The following KDM2B variants were observed in gnomAD, a reference collection of about 807,000 sequenced individuals.
The protein encoded by KDM2B is lysine-specific demethylase 2B.
In KDM2B, 26 loss-of-function variants were observed where a neutral mutation model predicts 150.0. The observed-to-expected ratio is 0.17, with a 90% CI of 0.13 to 0.24. The LOEUF is 0.24. KDM2B is among the 10% of genes least tolerant of loss of function. The pLI is 1.00. For missense variants in KDM2B, 1,265 were observed against 1,816.9 expected (o/e 0.70, Z 5.52); for synonymous variants, 734 against 729.5 (o/e 1.01, Z -0.10).
chr12:121,549,550 C>T lies in KDM2B; in HGVS notation c.486G>A (p.Thr162=), dbSNP rs782609076. 6 of 1,613,534 alleles carry T rather than the reference C, an allele frequency of 3.7e-6. No individual in the cohort carries two copies. The highest frequency in any genetic ancestry group is 2.2e-5 in the East Asian group (1 of 44,864). Residue 162 remains threonine (T), a synonymous_variant, in exon 5 of 23, where the codon ACG becomes ACA. Coordinates refer to ENST00000377071, the MANE Select transcript of KDM2B (RefSeq NM_032590.5). The surrounding 1 kb of genome is among the most constrained non-coding windows in gnomAD (Gnocchi z 4.4). ...SMSQFVRYYE[T]PEAQRDKLYN... ...ACAGCTTGTCCCGCTGGGCCTCGGGCGTCTCGTAGTAACGCACAAACTGGG... is the reference window on the plus strand; with the variant it reads ...ACAGCTTGTCCCGCTGGGCCTCGGGTGTCTCGTAGTAACGCACAAACTGGG...
Position 121,440,824 on chromosome 12 carries a change from T to C in KDM2B, c.3602A>G (p.Asn1201Ser). 1 of 1,610,662 alleles carries C rather than the reference T, an allele frequency of 6.2e-7. No individual in the cohort carries two copies. The highest frequency in any genetic ancestry group is 8.5e-7 in the Non-Finnish European group (1 of 1,178,134). The change falls in exon 21 of 23, where the codon AAC becomes AGC. Residue 1201 changes from asparagine to serine, a missense_variant. By Grantham distance (46) the Asn-to-Ser change is conservative. Around this residue, in one of 11 missense-constraint regions of KDM2B, gnomAD observed 251 missense variants for 397.8 expected, o/e 0.63. Coordinates refer to ENST00000377071, the MANE Select transcript of KDM2B (RefSeq NM_032590.5). ...CCAGCCTGGCAACTCACCTGGCCTG[T>C]TGTCTGTGGGCGGGGACAGGAGATC... is the stretch of plus-strand genomic sequence containing the variant. ...MRDLLSPPTD[N>S]RPGQMDNRSK...
intron 11 of KDM2B, among the ~76,000 whole-genome samples, chr12:121,508,594 TC>T (rs1885300728): frequency 6.6e-6 from 1 of 152,100 alleles, no homozygotes; most frequent in South Asian, 2.1e-4. Flanking sequence ...CTCGGAGGCC[TC>T]AACCAAAAAG....
At position 121,518,609 on chromosome 12, in the gene KDM2B, C is replaced by T. The variant is rs1470220573; in HGVS notation, c.1047+2376G>A. Among the ~76,000 whole-genome samples the T allele has an allele frequency of 6.6e-6, 1 of 152,118 alleles. No homozygotes were observed. The highest frequency in any genetic ancestry group is 2.4e-5 in the African/African-American group (1 of 41,414). ...GGGGTCCGGCCAGCACCCTGCCAGTCGTCATGGGTGGGGGAAGGGACCTGG... is the reference window on the plus strand; with the variant it reads ...GGGGTCCGGCCAGCACCCTGCCAGTTGTCATGGGTGGGGGAAGGGACCTGG... On this transcript the variant is annotated intron_variant, in intron 9 of 22. Coordinates refer to ENST00000377071, the MANE Select transcript of KDM2B (RefSeq NM_032590.5). This position sits in a 1 kb window ranked among gnomAD's most constrained non-coding sequence, Gnocchi z 4.4.
At chr12:121,512,898 T>C (rs1052082301) in intron 10 of KDM2B, among the ~76,000 whole-genome samples, 9 of 152,150 alleles carry the variant, frequency 5.9e-5, no homozygotes, top group Non-Finnish European at 7.4e-5. Context: ...CTTACATAGA[T>C]AAAAACCCAA....
chr12:121,445,187 G>C (rs1265489119), intron 14 of KDM2B, 88 bp downstream of exon 14: 38 of 1,481,980 alleles, frequency 2.6e-5, no homozygotes, highest in Non-Finnish European at 3.0e-5. Context: ...TTCACTGCAC[G>C]ACCTGCATCC....
the KDM2B span, among the ~76,000 whole-genome samples, chr12:121,420,956 T>C: frequency 6.6e-6 from 1 of 152,164 alleles, no homozygotes; most frequent in Non-Finnish European, 1.5e-5. Flanking sequence ...CTTCATTATG[T>C]GATGTTCATT....
intron 1 of KDM2B, chr12:121,580,532 C>T: frequency 7.9e-7 from 1 of 1,263,728 alleles, no homozygotes; most frequent in Non-Finnish European, 1.0e-6. Context: ...TTTTGGAGGG[C>T]CGAGTTGCAG....
chr12:121,440,078 G>A lies in KDM2B; in HGVS notation c.3611-3C>T, dbSNP rs1874714744. On this transcript the variant is annotated splice_region_variant and splice_polypyrimidine_tract_variant and intron_variant, in intron 21 of 22. Transcript: ENST00000377071. Reference sequence around the variant, plus strand: ...CTTGCTCCGATTGTCCATCTGACCTGGTGGGGCAGGAAGGAGGGGGCAACC... The same window carrying A: ...CTTGCTCCGATTGTCCATCTGACCTAGTGGGGCAGGAAGGAGGGGGCAACC... 5 of 1,593,530 alleles carry A rather than the reference G, an allele frequency of 3.1e-6. No individual in the cohort carries two copies. The highest frequency in any genetic ancestry group is 4.3e-6 in the Non-Finnish European group (5 of 1,170,594).
At chr12:121,478,504 C>T (rs1342057324) in intron 12 of KDM2B, among the ~76,000 whole-genome samples, 2 of 151,252 alleles carry the variant, frequency 1.3e-5, no homozygotes, top group Non-Finnish European at 3.0e-5. Flanking sequence ...AGACTACAGG[C>T]TCCCGCCACT....
chr12:121,411,455 C>T, the KDM2B span, among the ~76,000 whole-genome samples: 1 of 151,978 alleles, frequency 6.6e-6, no homozygotes, highest in African/African-American at 2.4e-5. Context: ...AATTTTCAGC[C>T]TAGAATTTTA....
At chr12:121,524,119 T>A (rs1555306350) in intron 8 of KDM2B, among the ~76,000 whole-genome samples, 1 of 152,100 alleles carries the variant, frequency 6.6e-6, no homozygotes, top group Admixed American at 6.5e-5. Flanking sequence ...CACAGGCAGG[T>A]GCATCTTATA....
At chr12:121,528,294 T>G (rs937723679) in intron 8 of KDM2B, among the ~76,000 whole-genome samples, 1 of 152,178 alleles carries the variant, frequency 6.6e-6, no homozygotes, top group African/African-American at 2.4e-5. Flanking sequence ...CGCTATGGCT[T>G]ATGCCTGTAA....
intron 6 of KDM2B, among the ~76,000 whole-genome samples, chr12:121,536,824 A>G (rs1283969870): frequency 6.6e-6 from 1 of 152,152 alleles, no homozygotes; most frequent in East Asian, 1.9e-4. Flanking sequence ...CACAGCAGAG[A>G]GGAGAGGACA....
intron 12 of KDM2B, among the ~76,000 whole-genome samples, chr12:121,481,763 T>TTTGTTTG (rs1555297927): frequency 4.7e-5 from 7 of 148,812 alleles, no homozygotes; most frequent in East Asian, 2.0e-4. Context: ...TTAGGGTTTT[T>TTTGTTTG]TTTGTTTGTT....
chr12:121,534,698 G>A (rs770865470), intron 6 of KDM2B, 108 bp from the exon 7 acceptor site: 85 of 753,334 alleles, frequency 1.1e-4, no homozygotes, highest in Middle Eastern at 2.4e-4. Context: ...AAACGCTGAC[G>A]CTGGGGAATT....
Position 121,538,511 on chromosome 12 carries a change from T to C in KDM2B, c.684-3921A>G, listed in dbSNP as rs150707148. 1.1e-3 allele frequency among the ~76,000 whole-genome samples: 167 copies of C among 152,286 alleles called. 4 individuals are homozygous for C. The East Asian group carries it at 0.029, about 26-fold the overall frequency. On this transcript the variant is annotated intron_variant, in intron 6 of 22. Transcript: ENST00000377071. The stretch of plus-strand genomic sequence containing the variant: ...ACTGCTCGGCACTGAAGTTCAATTC[T>C]GCATTCTAAGATGTTCTTTTACCAC...
Position 121,580,833 on chromosome 12 carries a change from T to C in KDM2B, c.79A>G (p.Lys27Glu), listed in dbSNP as rs782812947. 22 of 1,614,116 alleles carry C rather than the reference T, an allele frequency of 1.4e-5. No individual in the cohort carries two copies. In the African/African-American group the frequency reaches 2.4e-4, roughly 18 times the overall value. Residue 27 changes from lysine to glutamate, a missense_variant, in exon 1 of 23, where the codon AAA (lysine) becomes GAA (glutamate). Physicochemically the swap from Lys to Glu is moderately conservative, Grantham distance 56. Transcript: ENST00000377071. Reference protein sequence around the residue: ...KRHAAEKQKKKTVIYTKCFEF... With the variant: ...KRHAAEKQKKETVIYTKCFEF... ...AAGCATTTTGTATATATAACTGTTT[T>C]CTTTTTTTGCTTTTCTGCTGCATGT...
chr12:121,528,285 G>A (rs782317996), intron 8 of KDM2B, among the ~76,000 whole-genome samples: 8 of 152,198 alleles, frequency 5.3e-5, no homozygotes, highest in African/African-American at 9.7e-5. Flanking sequence ...GCAGCCGGGC[G>A]CTATGGCTTA....
intron 11 of KDM2B, among the ~76,000 whole-genome samples, chr12:121,496,624 A>G (rs933133333): frequency 1.3e-5 from 2 of 151,436 alleles, no homozygotes; most frequent in South Asian, 4.1e-4. Flanking sequence ...CCTCCTCAGT[A>G]GCCGGGACTA....
Sources: allele counts gnomAD v4.1 joint callset (sites outside exome capture counted in the v4.1 genomes callset), GRCh38; gene constraint gnomAD v4.1.1; regional missense constraint gnomAD v4.1.1; non-coding constraint Gnocchi (gnomAD v3.1); transcripts MANE v1.5; gene names NCBI Gene and HGNC (gene_info 2026-07-23, HGNC 2026-07-21).